FSHR: variants seen among roughly 807,000 people sequenced by gnomAD.
FSHR encodes follicle stimulating hormone receptor.
Under a neutral mutation model 52.1 loss-of-function variants are expected in FSHR, and 46 were observed. That is an observed-to-expected ratio of 0.88 (90% CI 0.70 to 1.13). The LOEUF is 1.13. Ranked by LOEUF, FSHR falls within the 50% of genes most tolerant of loss-of-function variation. The pLI, the probability that FSHR is intolerant of heterozygous loss-of-function variation, is 0.00. For synonymous variants in FSHR, 399 were observed against 309.6 expected, an observed-to-expected ratio of 1.29 and a Z score of -3.03; for missense variants, 964 against 834.6, an observed-to-expected ratio of 1.16 and a Z score of -1.91.
chr2:49,124,063 C>A (rs1671912547), intron 1 of FSHR, among the ~76,000 whole-genome samples: 1 of 151,816 alleles, frequency 6.6e-6, no homozygotes, highest in Non-Finnish European at 1.5e-5. Flanking sequence ...CGGCTCACTG[C>A]ATCCTCCACC....
intron 3 of FSHR, 117 bp from the exon 4 acceptor site, chr2:49,017,680 A>G (rs1320901444): frequency 2.6e-6 from 2 of 764,430 alleles, no homozygotes; most frequent in East Asian, 2.7e-5. Context: ...CCACCCATCT[A>G]TTCATCCATC....
chr2:49,129,770 A>G (rs1672199772), intron 1 of FSHR, among the ~76,000 whole-genome samples: 1 of 152,218 alleles, frequency 6.6e-6, no homozygotes, highest in African/African-American at 2.4e-5. Flanking sequence ...TTTATATAGT[A>G]TTCTCATAAA....
At chr2:49,072,678 C>T (rs1049801923) in intron 1 of FSHR, among the ~76,000 whole-genome samples, 8 of 152,116 alleles carry the variant, frequency 5.3e-5, no homozygotes, top group Non-Finnish European at 1.2e-4. Flanking sequence ...GTTTAATCTA[C>T]ACTAACTTGC....
chr2:49,021,886 TAG>T (rs58926557), intron 2 of FSHR, among the ~76,000 whole-genome samples: 416 of 24,922 alleles, frequency 0.017, 5 homozygotes, highest in African/African-American at 0.039. Flanking sequence ...TATATATATA[TAG>T]AGAGAGAGAG....
intron 1 of FSHR, among the ~76,000 whole-genome samples, chr2:49,116,596 A>C (rs770804352): frequency 1.3e-5 from 2 of 152,226 alleles, no homozygotes; most frequent in Non-Finnish European, 2.9e-5. Context: ...ATGGCTAAGT[A>C]CTTGATAAAT....
At chr2:49,047,183 C>G (rs557914526) in intron 2 of FSHR, among the ~76,000 whole-genome samples, 329 of 152,194 alleles carry the variant, frequency 2.2e-3, no homozygotes, top group Middle Eastern at 6.8e-3. Context: ...CTTTATCTCC[C>G]AAGTCAAATG....
intron 1 of FSHR, among the ~76,000 whole-genome samples, chr2:49,106,488 G>A (rs1022293908): frequency 6.6e-6 from 1 of 152,118 alleles, no homozygotes; most frequent in Non-Finnish European, 1.5e-5. Context: ...GGCTGGAGAT[G>A]GTTCCTGCCA....
intron 8 of FSHR, among the ~76,000 whole-genome samples, chr2:48,977,855 C>G (rs1347199741): frequency 6.6e-6 from 1 of 152,148 alleles, no homozygotes; most frequent in Non-Finnish European, 1.5e-5. Flanking sequence ...GTGCCTGGAA[C>G]TGGTGGGCTG....
chr2:49,046,878 A>G (rs1351859865), intron 2 of FSHR, among the ~76,000 whole-genome samples: 1 of 152,210 alleles, frequency 6.6e-6, no homozygotes, highest in Non-Finnish European at 1.5e-5. Context: ...TACTCAGCCC[A>G]AGGAAGCTCA....
intron 2 of FSHR, among the ~76,000 whole-genome samples, chr2:49,021,186 C>T (rs550365840): frequency 1.3e-5 from 2 of 152,318 alleles, no homozygotes; most frequent in African/African-American, 2.4e-5. Context: ...AAGGCCATTG[C>T]CATTAATGAT....
chr2:48,972,028 G>T (rs1350503850), intron 8 of FSHR, among the ~76,000 whole-genome samples: 1 of 152,060 alleles, frequency 6.6e-6, no homozygotes, highest in Admixed American at 6.6e-5. Flanking sequence ...GTATTTCTGG[G>T]TTGCTTCTTT....
At chr2:49,125,464 C>T (rs1191236357) in intron 1 of FSHR, among the ~76,000 whole-genome samples, 1 of 152,162 alleles carries the variant, frequency 6.6e-6, no homozygotes, top group Non-Finnish European at 1.5e-5. Flanking sequence ...ATCTTATTAC[C>T]TATTTTTTGT....
intron 2 of FSHR, among the ~76,000 whole-genome samples, chr2:49,030,884 A>T (rs75722637): frequency 1.3e-3 from 198 of 152,318 alleles, no homozygotes; most frequent in Non-Finnish European, 2.4e-3. Context: ...TTTACAGTGA[A>T]GGGACCTGCA....
intron 6 of FSHR, among the ~76,000 whole-genome samples, chr2:48,988,233 T>A (rs1367684584): frequency 4.6e-5 from 7 of 152,346 alleles, no homozygotes; most frequent in African/African-American, 9.6e-5. Context: ...ACTGGTATAT[T>A]TTTTTAAAAA....
intron 4 of FSHR, among the ~76,000 whole-genome samples, chr2:48,994,070 C>T (rs1352630763): frequency 6.6e-6 from 1 of 152,054 alleles, no homozygotes; most frequent in Non-Finnish European, 1.5e-5. Flanking sequence ...CCCTGAAAAC[C>T]CAATGTTGGC....
chr2:49,113,424 T>G (rs1048069932), intron 1 of FSHR, among the ~76,000 whole-genome samples: 4 of 152,274 alleles, frequency 2.6e-5, no homozygotes. Flanking sequence ...GATGATTATT[T>G]ATGAAAATTG....
Position 48,962,940 on chromosome 2 carries a change from G to A in FSHR, c.1881C>T (p.Ala627=), listed in dbSNP as rs773776198. 2.5e-5 allele frequency: 41 copies of A among 1,614,008 alleles called. No homozygotes were observed. Among genetic ancestry groups the A allele is most frequent in the Non-Finnish European group, 3.3e-5 (39 of 1,180,028 alleles). Residue 627 remains alanine, a synonymous_variant, in exon 10 of 10, where the codon GCC becomes GCT. Transcript: ENST00000406846. ...INSCANPFLY[A]IFTKNFRRDF... The stretch of plus-strand genomic sequence containing the variant: ...CTCTGCGAAAGTTTTTGGTAAAGAT[G>A]GCATAGAGGAAGGGGTTGGCACAGG...
intron 4 of FSHR, among the ~76,000 whole-genome samples, chr2:48,993,872 A>G (rs1675898058): frequency 1.3e-5 from 2 of 152,198 alleles, no homozygotes; most frequent in Non-Finnish European, 2.9e-5. Context: ...TTAGTTACAC[A>G]TGTCATTTCT....
chr2:49,011,007 G>GT (rs1234109089), intron 4 of FSHR, among the ~76,000 whole-genome samples: 3 of 150,866 alleles, frequency 2.0e-5, no homozygotes, highest in East Asian at 1.9e-4. Context: ...TTTTTGAAGG[G>GT]TTTTTTGTGT....
Sources: allele counts gnomAD v4.1 joint callset (sites outside exome capture counted in the v4.1 genomes callset), GRCh38; gene constraint gnomAD v4.1.1; transcripts MANE v1.5; gene names NCBI Gene and HGNC (gene_info 2026-07-23, HGNC 2026-07-21).